Variants in LYN observed in about 807,000 individuals in gnomAD.
LYN encodes the protein tyrosine-protein kinase Lyn.
Under a neutral mutation model 65.0 loss-of-function variants are expected in LYN, and 12 were observed. The ratio of observed to expected loss-of-function variants is 0.18; its 90% CI spans 0.12 to 0.30. LYN has a LOEUF of 0.30. Ranked by LOEUF, LYN falls within the 10% of genes least tolerant of loss-of-function variation. The probability of loss-of-function intolerance (pLI) is 1.00; values close to 1 mark genes in which losing one functional copy is unlikely to be tolerated. For synonymous variants in LYN, 222 were observed against 221.2 expected (o/e 1.00, Z -0.03); for missense variants, 380 against 623.2 (o/e 0.61, Z 4.16).
chr8:55,970,249 C>T (rs191456262), intron 10 of LYN, among the ~76,000 whole-genome samples: 1 of 152,340 alleles, frequency 6.6e-6, no homozygotes, highest in Non-Finnish European at 1.5e-5. Context: ...TCTTCTCGCT[C>T]CTTCTTGTTG....
intron 1 of LYN, among the ~76,000 whole-genome samples, chr8:55,914,398 C>T (rs1805728002): frequency 6.6e-6 from 1 of 151,942 alleles, no homozygotes; most frequent in Admixed American, 6.6e-5. Flanking sequence ...AAATGCTCCC[C>T]TAAAGTGAGA....
At chr8:55,900,578 A>C (rs1805234751) in intron 1 of LYN, among the ~76,000 whole-genome samples, 1 of 138,302 alleles carries the variant, frequency 7.2e-6, no homozygotes, top group Admixed American at 7.7e-5. Context: ...ATAGGACCTT[A>C]CTATGGTGCC....
chr8:55,951,337 G>A (rs2130493546), intron 6 of LYN, among the ~76,000 whole-genome samples: 1 of 152,104 alleles, frequency 6.6e-6, no homozygotes, highest in Middle Eastern at 3.4e-3. Flanking sequence ...TGAGCCTTTT[G>A]CATTATTATT....
chr8:55,928,389 G>A (rs772740783), intron 1 of LYN, among the ~76,000 whole-genome samples: 3 of 152,202 alleles, frequency 2.0e-5, no homozygotes, highest in Non-Finnish European at 2.9e-5. Flanking sequence ...CAGGTGATCC[G>A]CCGACCTTGG....
chr8:56,000,219 C>T (rs1808476418), intron 12 of LYN, among the ~76,000 whole-genome samples: 1 of 152,136 alleles, frequency 6.6e-6, no homozygotes, highest in African/African-American at 2.4e-5. Context: ...CAAGGATTTC[C>T]GATGCTTGGT....
Position 55,966,728 on chromosome 8 carries a change from C to T in LYN, c.804C>T (p.Asn268=). The T allele has an allele frequency of 6.2e-7, 1 of 1,612,906 alleles. No homozygotes were observed. Among genetic ancestry groups the T allele is most frequent in the Non-Finnish European group, 8.5e-7 (1 of 1,179,528 alleles). The change falls in exon 9 of 13, where the codon AAC becomes AAT. Residue 268 remains asparagine (N), a synonymous_variant. Coordinates refer to ENST00000519728, the MANE Select transcript of LYN (RefSeq NM_002350.4). ...FGEVWMGYYN[N]STKVAVKTLK... ...TTTTCTTCCTAGGTTACTATAACAACAGTACCAAGGTGGCTGTGAAAACCC... is the reference window on the plus strand; with the variant it reads ...TTTTCTTCCTAGGTTACTATAACAATAGTACCAAGGTGGCTGTGAAAACCC...
intron 10 of LYN, among the ~76,000 whole-genome samples, chr8:55,973,711 C>A (rs1807671099): frequency 6.6e-6 from 1 of 152,166 alleles, no homozygotes; most frequent in South Asian, 2.1e-4. Flanking sequence ...ATTTATTACT[C>A]TTTGGTGGCG....
chr8:55,997,888 T>C (rs1015648824), intron 10 of LYN, among the ~76,000 whole-genome samples: 5 of 151,972 alleles, frequency 3.3e-5, no homozygotes, highest in Non-Finnish European at 1.5e-5. Context: ...ATCGAGACCA[T>C]CCTGGCTAAC....
intron 12 of LYN, among the ~76,000 whole-genome samples, chr8:56,007,539 G>A (rs1203937497): frequency 2.6e-5 from 4 of 152,216 alleles, no homozygotes; most frequent in East Asian, 3.8e-4. Flanking sequence ...TCATTATAAA[G>A]TTTGCTTAGA....
chr8:55,994,048 A>G (rs1808311848), intron 10 of LYN, among the ~76,000 whole-genome samples: 1 of 152,212 alleles, frequency 6.6e-6, no homozygotes, highest in South Asian at 2.1e-4. Context: ...TCAATCAGCC[A>G]AAGGAGTCTC....
At chr8:55,999,758 G>A (rs1055778409) in intron 12 of LYN, among the ~76,000 whole-genome samples, 6 of 152,142 alleles carry the variant, frequency 3.9e-5, no homozygotes, top group Admixed American at 3.9e-4. Flanking sequence ...GATCACCTGA[G>A]GTCGGGAGTT....
chr8:55,946,504 A>C lies in LYN; in HGVS notation c.178+11A>C, dbSNP rs1333103740. The C allele has an allele frequency of 3.2e-6, 5 of 1,580,662 alleles. No individual in the cohort carries two copies. The African/African-American group carries it at 5.4e-5, about 17-fold the overall frequency. On this transcript the variant is annotated intron_variant, in intron 3 of 12. Coordinates refer to ENST00000519728, the MANE Select transcript of LYN (RefSeq NM_002350.4). ...GGTTTCAAACTAAAGGTATGTTTTC[A>C]TAGCAACATAGTTAAAATTTTTTTT... is the stretch of plus-strand genomic sequence containing the variant.
chr8:55,919,068 C>G (rs1471634973), intron 1 of LYN, among the ~76,000 whole-genome samples: 1 of 150,802 alleles, frequency 6.6e-6, no homozygotes, highest in Non-Finnish European at 1.5e-5. Context: ...CAGACATTCC[C>G]GACAGGCAGG....
chr8:55,880,028 C>A lies in LYN; in HGVS notation c.-81C>A, dbSNP rs13636. 1 of 310,508 alleles carries A rather than the reference C, an allele frequency of 3.2e-6. No individual in the cohort carries two copies. Among genetic ancestry groups the A allele is most frequent in the Non-Finnish European group, 6.5e-6 (1 of 152,750 alleles). 19.2% of individuals were successfully genotyped at this position (310,508 alleles called of 1,614,324 possible). Reference sequence around the variant, plus strand: ...CTCCCCATACGCAGGTCCTGCTGGGCCGCCCCGTCGCGCCCCCCACTCTGA... The same window carrying A: ...CTCCCCATACGCAGGTCCTGCTGGGACGCCCCGTCGCGCCCCCCACTCTGA... On this transcript the variant is annotated 5_prime_UTR_variant, in exon 1 of 13. Transcript: ENST00000519728.
chr8:55,886,302 GCA>G (rs1166260799), intron 1 of LYN, among the ~76,000 whole-genome samples: 20 of 144,904 alleles, frequency 1.4e-4, no homozygotes, highest in African/African-American at 4.6e-4. Flanking sequence ...GTACAATGGT[GCA>G]ATCTCCACTC....
chr8:55,933,106 CTAAAA>C (rs1261680370), intron 1 of LYN, among the ~76,000 whole-genome samples: 1 of 152,102 alleles, frequency 6.6e-6, no homozygotes, highest in Non-Finnish European at 1.5e-5. Context: ...ATTCCTGAAC[CTAAAA>C]TAAAAGTTGA....
At chr8:55,970,117 A>G (rs532324939) in intron 10 of LYN, among the ~76,000 whole-genome samples, 145 of 152,318 alleles carry the variant, frequency 9.5e-4, no homozygotes, top group African/African-American at 3.4e-3. Context: ...GTTCCATGCT[A>G]TGTAAGCACA....
At chr8:55,887,125 A>C (rs1181308865) in intron 1 of LYN, among the ~76,000 whole-genome samples, 1 of 152,270 alleles carries the variant, frequency 6.6e-6, no homozygotes, top group Non-Finnish European at 1.5e-5. Flanking sequence ...ATTCAATTAC[A>C]GTTACTAATA....
intron 12 of LYN, among the ~76,000 whole-genome samples, chr8:56,007,641 T>C (rs1808706811): frequency 6.6e-6 from 1 of 152,182 alleles, no homozygotes; most frequent in Non-Finnish European, 1.5e-5. Context: ...ACTGTGTCCT[T>C]AGATGAAAAA....
Sources: gnomAD v4.1 joint callset for allele counts (sites outside exome capture counted in the v4.1 genomes callset) on GRCh38, gnomAD v4.1.1 for gene constraint, MANE v1.5 for transcripts, NCBI Gene and HGNC (gene_info 2026-07-23, HGNC 2026-07-21) for gene names.